Variants in TMEFF2 observed in about 807,000 individuals in gnomAD.
The protein encoded by TMEFF2 is transmembrane protein with EGF like and two follistatin like domains 2.
TMEFF2 carries 28 observed loss-of-function variants against 53.8 expected under a neutral mutation model. The ratio of observed to expected loss-of-function variants is 0.52; its 90% CI spans 0.39 to 0.71. TMEFF2 has a LOEUF of 0.71. Ranked by LOEUF, TMEFF2 falls within the 30% of genes least tolerant of loss-of-function variation. TMEFF2 has a pLI of 0.00. For missense variants in TMEFF2, 353 were observed against 455.2 expected (o/e 0.78, Z 2.04); for synonymous variants, 162 against 166.3 (o/e 0.97, Z 0.20).
chr2:192,057,193 G>A (rs1348066183), intron 5 of TMEFF2, among the ~76,000 whole-genome samples: 1 of 150,540 alleles, frequency 6.6e-6, no homozygotes, highest in Non-Finnish European at 1.5e-5. Context: ...ACAGGCTAGT[G>A]TGACCATACC....
chr2:192,132,112 A>T (rs1268318116), intron 4 of TMEFF2, among the ~76,000 whole-genome samples: 4 of 151,958 alleles, frequency 2.6e-5, no homozygotes, highest in Admixed American at 6.6e-5. Flanking sequence ...CCTCCTCGCC[A>T]GGCCAAGCTA....
intron 3 of TMEFF2, among the ~76,000 whole-genome samples, chr2:192,181,285 C>T (rs1691178118): frequency 6.6e-6 from 1 of 151,678 alleles, no homozygotes; most frequent in Non-Finnish European, 1.5e-5. Context: ...TTCAGTATTA[C>T]TTATACTCAT....
intron 4 of TMEFF2, among the ~76,000 whole-genome samples, chr2:192,161,159 C>A (rs1690623718): frequency 1.3e-5 from 2 of 151,956 alleles, no homozygotes; most frequent in Non-Finnish European, 2.9e-5. Flanking sequence ...ACCTATGAAA[C>A]AGCATATTAA....
In TMEFF2 at chr2:192,126,938, T is replaced by G. The variant is rs947809239; in HGVS notation, c.439+52730A>C. 2.6e-5 allele frequency among the ~76,000 whole-genome samples: 4 copies of G among 152,232 alleles called. No homozygotes were observed. In the South Asian group the frequency reaches 8.3e-4, roughly 32 times the overall value. On this transcript the variant is annotated intron_variant, in intron 4 of 9. Coordinates refer to ENST00000272771, the MANE Select transcript of TMEFF2 (RefSeq NM_016192.4). ...AATTCAAGTATTTCAATATAGAAGT[T>G]AATTTTTGCTTTGGGTTTTAGAATT...
chr2:192,162,545 C>T (rs1449422965), intron 4 of TMEFF2, among the ~76,000 whole-genome samples: 3 of 152,076 alleles, frequency 2.0e-5, no homozygotes, highest in African/African-American at 7.2e-5. Flanking sequence ...GTTAAAATAG[C>T]TCCACCCTTA....
intron 5 of TMEFF2, among the ~76,000 whole-genome samples, chr2:192,020,517 C>T (rs138777782): frequency 1.8e-4 from 28 of 152,118 alleles, no homozygotes; most frequent in African/African-American, 6.5e-4. Context: ...CAGATATTTT[C>T]AACTATATTT....
intron 5 of TMEFF2, among the ~76,000 whole-genome samples, chr2:192,053,936 T>C (rs1348736028): frequency 6.6e-6 from 1 of 152,212 alleles, no homozygotes; most frequent in Non-Finnish European, 1.5e-5. Context: ...ATACAAGGTA[T>C]GTAAATGAAA....
At chr2:192,132,782 T>C (rs1406034760) in intron 4 of TMEFF2, among the ~76,000 whole-genome samples, 1 of 152,156 alleles carries the variant, frequency 6.6e-6, no homozygotes, top group Non-Finnish European at 1.5e-5. Flanking sequence ...GTGCAGGACC[T>C]CGCTGAAAAT....
At chr2:192,151,915 G>A (rs963859919) in intron 4 of TMEFF2, among the ~76,000 whole-genome samples, 5 of 151,806 alleles carry the variant, frequency 3.3e-5, no homozygotes, top group South Asian at 2.1e-4. Flanking sequence ...TGCAGGGGAG[G>A]AAAATGGCAG....
chr2:192,085,338 A>G (rs13405350), intron 4 of TMEFF2, among the ~76,000 whole-genome samples: 18,152 of 152,014 alleles, frequency 0.12, 1,347 homozygotes, highest in East Asian at 0.36. Context: ...TGCTGGGGAG[A>G]GGCAGCACAT....
intron 7 of TMEFF2, among the ~76,000 whole-genome samples, chr2:191,992,944 A>G (rs1207533763): frequency 6.6e-6 from 1 of 152,074 alleles, no homozygotes; most frequent in Admixed American, 6.6e-5. Flanking sequence ...CTTGTTAGAT[A>G]GTGACACTTC....
At chr2:192,074,986 A>G (rs1026884801) in intron 4 of TMEFF2, among the ~76,000 whole-genome samples, 3 of 151,658 alleles carry the variant, frequency 2.0e-5, no homozygotes, top group African/African-American at 7.3e-5. Context: ...ATAAACAAAC[A>G]CAACAGAAAA....
At chr2:192,054,576 A>G (rs114818923) in intron 5 of TMEFF2, among the ~76,000 whole-genome samples, 1,696 of 152,044 alleles carry the variant, frequency 0.011, 23 homozygotes, top group Middle Eastern at 0.017. Flanking sequence ...ACCAGGATTA[A>G]CCCCCTGCTT....
intron 4 of TMEFF2, 130 bp downstream of exon 4, chr2:192,179,538 A>G (rs1691135043): frequency 2.1e-6 from 2 of 973,944 alleles, no homozygotes; most frequent in Non-Finnish European, 3.0e-6. Flanking sequence ...ACAATTTTTT[A>G]TGGTTTCACC....
chr2:192,191,797 T>C, intron 2 of TMEFF2, 83 bp downstream of exon 2: 2 of 986,464 alleles, frequency 2.0e-6, no homozygotes, highest in Non-Finnish European at 3.1e-6. Context: ...AGCTATAAAT[T>C]TCCAAGTGAT....
chr2:192,057,570 A>T, intron 5 of TMEFF2, 109 bp downstream of exon 5: 2 of 1,031,064 alleles, frequency 1.9e-6, no homozygotes, highest in East Asian at 2.5e-5. Context: ...GAACTGAATA[A>T]GAAAATAAAA....
chr2:192,044,899 G>A (rs1455009364), intron 5 of TMEFF2, among the ~76,000 whole-genome samples: 2 of 152,030 alleles, frequency 1.3e-5, no homozygotes, highest in Non-Finnish European at 1.5e-5. Flanking sequence ...TGTCTTACTC[G>A]CAAAGCCATG....
intron 5 of TMEFF2, among the ~76,000 whole-genome samples, chr2:192,051,230 G>GGTTTT (rs375876597): frequency 6.9e-6 from 1 of 145,604 alleles, no homozygotes; most frequent in Non-Finnish European, 1.5e-5. Context: ...TTTTTTCTGG[G>GGTTTT]TTTTTTTTTT....
intron 7 of TMEFF2, among the ~76,000 whole-genome samples, chr2:191,966,955 C>T (rs773641299): frequency 2.0e-5 from 3 of 151,094 alleles, no homozygotes; most frequent in Non-Finnish European, 4.4e-5. Context: ...TTCTTGAGCA[C>T]AGTCTCAAAA....
Sources: allele counts gnomAD v4.1 joint callset (sites outside exome capture counted in the v4.1 genomes callset), GRCh38; gene constraint gnomAD v4.1.1; transcripts MANE v1.5; gene names NCBI Gene and HGNC (gene_info 2026-07-23, HGNC 2026-07-21).